The following ANO3 variants were observed in gnomAD, a reference collection of about 807,000 sequenced individuals.
ANO3 encodes anoctamin-3.
ANO3 carries 99 observed loss-of-function variants against 144.8 expected under a neutral mutation model. The ratio of observed to expected loss-of-function variants is 0.68; its 90% CI spans 0.58 to 0.81. The LOEUF (loss-of-function observed/expected upper bound fraction) is 0.81. Among genes scored for constraint, ANO3 ranks in the 30% least tolerant of loss-of-function variants. The probability of loss-of-function intolerance (pLI) is 0.00; values close to 1 mark genes in which losing one functional copy is unlikely to be tolerated. For synonymous variants in ANO3, 414 were observed against 392.6 expected (o/e 1.05, Z -0.64); for missense variants, 905 against 1,202.2 (o/e 0.75, Z 3.66).
chr11:26,311,317 T>C (rs866540166), intron 1 of ANO3, among the ~76,000 whole-genome samples: 4 of 152,184 alleles, frequency 2.6e-5, no homozygotes, highest in Non-Finnish European at 5.9e-5. Flanking sequence ...ACATGTGAAG[T>C]AACGAGTAAC....
At chr11:26,388,400 G>A (rs1471346112) in intron 1 of ANO3, among the ~76,000 whole-genome samples, 1 of 151,954 alleles carries the variant, frequency 6.6e-6, no homozygotes, top group Admixed American at 6.6e-5. Context: ...CTTGGCTTTA[G>A]ATTAGCTCCA....
intron 3 of ANO3, among the ~76,000 whole-genome samples, chr11:26,457,253 C>G (rs1382773202): frequency 3.0e-4 from 5 of 16,820 alleles, no homozygotes; most frequent in Non-Finnish European, 1.1e-3. Flanking sequence ...AAAAAACCTG[C>G]ACGTTTTTGC....
chr11:26,332,333 T>C lies in ANO3; in HGVS notation c.46+12T>C. 1 of 1,613,674 alleles carries C rather than the reference T, an allele frequency of 6.2e-7. No individual in the cohort carries two copies. The highest frequency in any genetic ancestry group is 8.5e-7 in the Non-Finnish European group (1 of 1,179,896). The stretch of plus-strand genomic sequence containing the variant: ...TAAACAGCAAAAAGGTCAGTTGGAA[T>C]CTTGCTCCCCTCTCCCTGCGGGCGT... On this transcript the variant is annotated intron_variant, in intron 1 of 26. Coordinates refer to ENST00000256737, the MANE Select transcript of ANO3 (RefSeq NM_031418.4).
intron 17 of ANO3, among the ~76,000 whole-genome samples, chr11:26,608,110 GGGTTTTT>G (rs1425462245): frequency 1.3e-5 from 2 of 152,168 alleles, no homozygotes; most frequent in Non-Finnish European, 2.9e-5. Context: ...CCCTTGGATG[GGGTTTTT>G]GTAGGGACTT....
intron 14 of ANO3, chr11:26,565,730 T>G (rs1312961225): frequency 6.2e-7 from 1 of 1,605,936 alleles, no homozygotes; most frequent in Non-Finnish European, 8.5e-7. Context: ...TAGGTTTATT[T>G]TCCATTGTTT....
chr11:26,496,508 C>T (rs780722528), intron 4 of ANO3, among the ~76,000 whole-genome samples: 3 of 152,260 alleles, frequency 2.0e-5, no homozygotes, highest in Non-Finnish European at 4.4e-5. Context: ...AGTGATTCCT[C>T]ACTGTCTTGT....
intron 14 of ANO3, among the ~76,000 whole-genome samples, chr11:26,569,585 A>C (rs1850738954): frequency 6.6e-6 from 1 of 152,100 alleles, no homozygotes; most frequent in Admixed American, 6.6e-5. Flanking sequence ...ATTTGGCCGA[A>C]GTTTGACCTC....
rs1250801881 is a variant in ANO3, at chr11:26,454,642, A to C, written c.314-8388A>C. Among the ~76,000 whole-genome samples, 9 of 151,560 alleles carry C rather than the reference A, an allele frequency of 5.9e-5. No homozygotes were observed. In the East Asian group the frequency reaches 1.8e-3, roughly 30 times the overall value. ...GATGGATTCACAGCCAAATTCTACCAGAGGTACAAGGAGGAACTGGTACCA... is the reference window on the plus strand; with the variant it reads ...GATGGATTCACAGCCAAATTCTACCCGAGGTACAAGGAGGAACTGGTACCA... On this transcript the variant is annotated intron_variant, in intron 3 of 26. Transcript: ENST00000256737.
chr11:26,257,336 G>A (rs1853082847), intron 1 of ANO3, among the ~76,000 whole-genome samples: 3 of 151,886 alleles, frequency 2.0e-5, no homozygotes, highest in Non-Finnish European at 4.4e-5. Context: ...CTGACCCAAG[G>A]ACATGTAACT....
intron 17 of ANO3, among the ~76,000 whole-genome samples, chr11:26,608,906 C>T (rs1361807921): frequency 6.6e-6 from 1 of 152,136 alleles, no homozygotes; most frequent in African/African-American, 2.4e-5. Context: ...TGGCTGCTGC[C>T]CGTCCTTCAA....
At chr11:26,494,219 C>T (rs1202101172) in intron 4 of ANO3, among the ~76,000 whole-genome samples, 1 of 150,294 alleles carries the variant, frequency 6.7e-6, no homozygotes, top group Non-Finnish European at 1.5e-5. Context: ...AATATATATT[C>T]ATATATATGT....
intron 1 of ANO3, among the ~76,000 whole-genome samples, chr11:26,265,121 T>G (rs1433413726): frequency 6.6e-6 from 1 of 152,204 alleles, no homozygotes; most frequent in African/African-American, 2.4e-5. Context: ...TCTACTTTTG[T>G]ATATACTTTT....
intron 1 of ANO3, among the ~76,000 whole-genome samples, chr11:26,400,114 G>GTTTTT (rs1857111757): frequency 7.8e-6 from 1 of 128,588 alleles, no homozygotes; most frequent in African/African-American, 4.0e-5. Flanking sequence ...TTTTGTTTTT[G>GTTTTT]TTTTTGTTGT....
chr11:26,335,112 A>G (rs1174603501), intron 1 of ANO3, among the ~76,000 whole-genome samples: 1 of 152,184 alleles, frequency 6.6e-6, no homozygotes, highest in Non-Finnish European at 1.5e-5. Flanking sequence ...TAATTTATTA[A>G]TTTAATCTCT....
chr11:26,611,098 T>C (rs1852086640), intron 17 of ANO3, among the ~76,000 whole-genome samples: 1 of 152,108 alleles, frequency 6.6e-6, no homozygotes, highest in East Asian at 1.9e-4. Flanking sequence ...ATTTTGTTGA[T>C]TTTTTTGAAA....
intron 1 of ANO3, among the ~76,000 whole-genome samples, chr11:26,434,415 T>A (rs530941234): frequency 6.6e-6 from 1 of 152,122 alleles, no homozygotes; most frequent in Non-Finnish European, 1.5e-5. Flanking sequence ...TGATTTGTTA[T>A]CTCTCGTTCT....
intron 1 of ANO3, among the ~76,000 whole-genome samples, chr11:26,216,155 T>C (rs1006111375): frequency 9.9e-5 from 15 of 152,146 alleles, no homozygotes; most frequent in African/African-American, 3.1e-4. Flanking sequence ...ATACTCTGAC[T>C]ACTAAAATAA....
chr11:26,217,918 A>G (rs1301130757), intron 1 of ANO3, among the ~76,000 whole-genome samples: 2 of 152,076 alleles, frequency 1.3e-5, no homozygotes, highest in Admixed American at 6.6e-5. Flanking sequence ...ATGAACCAAA[A>G]TGTTAAGTGA....
intron 1 of ANO3, among the ~76,000 whole-genome samples, chr11:26,410,001 C>T (rs1857389345): frequency 6.6e-6 from 1 of 151,852 alleles, no homozygotes; most frequent in Admixed American, 6.6e-5. Context: ...TTTTCTCCAC[C>T]CTGCCACATT....
Sources: gnomAD v4.1 joint callset for allele counts (sites outside exome capture counted in the v4.1 genomes callset) on GRCh38, gnomAD v4.1.1 for gene constraint, MANE v1.5 for transcripts, NCBI Gene and HGNC (gene_info 2026-07-23, HGNC 2026-07-21) for gene names.